Variants in SOS2 observed in about 807,000 individuals in gnomAD.
SOS2 encodes the protein son of sevenless homolog 2.
SOS2 carries 65 observed loss-of-function variants against 148.2 expected under a neutral mutation model. That is an observed-to-expected ratio of 0.44 (90% CI 0.36 to 0.54). The LOEUF (loss-of-function observed/expected upper bound fraction) is 0.54, where lower values mean the gene tolerates loss of function less well. Ranked by LOEUF, SOS2 falls within the 20% of genes least tolerant of loss-of-function variation. SOS2 has a pLI of 0.00. For missense variants in SOS2, 1,341 were observed against 1,590.2 expected (o/e 0.84, Z 2.67); for synonymous variants, 539 against 537.1 (o/e 1.00, Z -0.05).
At chr14:50,172,557 A>T (rs1031135286) in intron 8 of SOS2, among the ~76,000 whole-genome samples, 2 of 151,648 alleles carry the variant, frequency 1.3e-5, no homozygotes. Context: ...GACTAAAAAC[A>T]TGATTTTGCC....
chr14:50,165,386 C>T (rs777006400), intron 8 of SOS2, among the ~76,000 whole-genome samples: 32 of 152,142 alleles, frequency 2.1e-4, no homozygotes, highest in Non-Finnish European at 3.5e-4. Context: ...TCATGACTCC[C>T]GCAAATAAAT....
At chr14:50,171,376 C>A (rs1310559676) in intron 8 of SOS2, among the ~76,000 whole-genome samples, 3 of 151,678 alleles carry the variant, frequency 2.0e-5, no homozygotes, top group African/African-American at 7.3e-5. Context: ...TTTATAGTAA[C>A]CAAAAGGTAG....
intron 5 of SOS2, among the ~76,000 whole-genome samples, chr14:50,183,018 T>C (rs1480826068): frequency 6.6e-6 from 1 of 152,244 alleles, no homozygotes; most frequent in African/African-American, 2.4e-5. Flanking sequence ...ATATATTATA[T>C]AAAGCAATAT....
At chr14:50,140,158 A>T (rs1884221621) in intron 16 of SOS2, 99 bp from the exon 17 acceptor site, 1 of 617,616 alleles carries the variant, frequency 1.6e-6, no homozygotes, top group Admixed American at 3.0e-5. Flanking sequence ...AATTATCTGG[A>T]AAACAATTTT....
At chr14:50,150,541 C>A (rs1190326208) in intron 13 of SOS2, among the ~76,000 whole-genome samples, 1 of 150,448 alleles carries the variant, frequency 6.6e-6, no homozygotes, top group Non-Finnish European at 1.5e-5. Context: ...TCACTGTTCA[C>A]ATTTCTCTCT....
intron 4 of SOS2, among the ~76,000 whole-genome samples, chr14:50,196,566 T>C (rs1886318003): frequency 6.6e-6 from 1 of 152,076 alleles, no homozygotes; most frequent in South Asian, 2.1e-4. Context: ...TTTCCCCCAC[T>C]CCAGCTACCT....
chr14:50,194,267 C>A (rs781095984), intron 4 of SOS2, among the ~76,000 whole-genome samples: 2 of 151,982 alleles, frequency 1.3e-5, no homozygotes, highest in Non-Finnish European at 2.9e-5. Context: ...GACGTATGGC[C>A]CACAAAGCCT....
intron 14 of SOS2, among the ~76,000 whole-genome samples, chr14:50,146,495 A>G (rs1594971114): frequency 6.6e-6 from 1 of 152,030 alleles, no homozygotes; most frequent in Admixed American, 6.6e-5. Flanking sequence ...AATACAAAGA[A>G]ATTAGCCGGG....
At chr14:50,179,859 T>C (rs1387626710) in intron 7 of SOS2, among the ~76,000 whole-genome samples, 1 of 152,166 alleles carries the variant, frequency 6.6e-6, no homozygotes, top group Non-Finnish European at 1.5e-5. Flanking sequence ...ATTTATCTCC[T>C]TTAAATTGTA....
At chr14:50,190,143 G>A (rs1266966202) in intron 4 of SOS2, among the ~76,000 whole-genome samples, 1 of 151,936 alleles carries the variant, frequency 6.6e-6, no homozygotes, top group Non-Finnish European at 1.5e-5. Context: ...GTGAGCCACT[G>A]CGCCTGGCTG....
intron 1 of SOS2, among the ~76,000 whole-genome samples, chr14:50,224,050 C>T (rs190329280): frequency 1.1e-3 from 163 of 151,588 alleles, no homozygotes; most frequent in African/African-American, 3.1e-3. Flanking sequence ...CTTGGGGGGC[C>T]GAGGCGGGCA....
chr14:50,138,620 C>G lies in SOS2; in HGVS notation c.2950G>C (p.Asp984His). Residue 984 changes from aspartate (D) to histidine (H), a missense_variant, in exon 18 of 23, where the codon GAT becomes CAT. Physicochemically the swap from Asp to His is moderately conservative, Grantham distance 81 (BLOSUM62 -1). This residue lies in a region of SOS2 where 408 missense variants were observed against 506.6 expected (regional missense o/e 0.81). Transcript: ENST00000216373. ...GCAAAGAAAATATTTACCCTCATAT[C>G]TGGTTCTATCCGTAAACAGTAAGGC... Reference protein sequence around the residue: ...NQPYCLRIEPDMRRFFENLNP... With the variant: ...NQPYCLRIEPHMRRFFENLNP... 6.6e-7 allele frequency: 1 copy of G among 1,517,640 alleles called. No homozygotes were observed. Among genetic ancestry groups the G allele is most frequent in the Non-Finnish European group, 8.8e-7 (1 of 1,131,120 alleles). The allele number at this position is 1,517,640 out of a possible 1,614,324, so 94.0% of individuals were successfully genotyped here.
chr14:50,119,114 TTAATTA>T (rs1168122288), intron 22 of SOS2, among the ~76,000 whole-genome samples: 4 of 152,194 alleles, frequency 2.6e-5, no homozygotes, highest in African/African-American at 7.2e-5. Context: ...TTTATGTATT[TTAATTA>T]TAATAGTAGG....
chr14:50,154,889 T>C (rs1262159318), intron 12 of SOS2, among the ~76,000 whole-genome samples: 1 of 152,200 alleles, frequency 6.6e-6, no homozygotes, highest in African/African-American at 2.4e-5. Flanking sequence ...ATGTATTTGT[T>C]AAAACTCAAC....
Position 50,129,943 on chromosome 14 carries a change from A to G in SOS2, c.3379+18T>C. On this transcript the variant is annotated intron_variant, in intron 21 of 22. Transcript: ENST00000216373. ...CTTTACAGTCATTTCATTAAGAATC[A>G]ACTTAAATTATACTTACTTGAATGT... 2.7e-6 allele frequency: 4 copies of G among 1,494,022 alleles called. No homozygotes were observed. Among genetic ancestry groups the G allele is most frequent in the Non-Finnish European group, 3.7e-6 (4 of 1,080,136 alleles). 92.5% of individuals were successfully genotyped at this position (1,494,022 alleles called of 1,614,324 possible).
intron 12 of SOS2, among the ~76,000 whole-genome samples, chr14:50,154,363 C>G (rs1021280716): frequency 6.6e-6 from 1 of 152,164 alleles, no homozygotes; most frequent in Admixed American, 6.5e-5. Context: ...TTACTAAACA[C>G]TGGTGAGAAT....
chr14:50,171,245 C>CA, intron 8 of SOS2, among the ~76,000 whole-genome samples: 1 of 152,102 alleles, frequency 6.6e-6, no homozygotes, highest in South Asian at 2.1e-4. Context: ...GGTAGTTACT[C>CA]AAAAAATTAA....
intron 1 of SOS2, among the ~76,000 whole-genome samples, chr14:50,215,742 CAAAAT>C (rs1330854710): frequency 4.6e-5 from 7 of 151,970 alleles, no homozygotes; most frequent in African/African-American, 1.7e-4. Flanking sequence ...AAACAAAAAA[CAAAAT>C]AGTCTCATAC....
intron 8 of SOS2, among the ~76,000 whole-genome samples, chr14:50,164,331 T>C (rs1365557123): frequency 6.6e-6 from 1 of 151,716 alleles, no homozygotes; most frequent in Non-Finnish European, 1.5e-5. Flanking sequence ...TCCCAGCTAT[T>C]TGGGAGGCTG....
Sources: gnomAD v4.1 joint callset for allele counts (sites outside exome capture counted in the v4.1 genomes callset) on GRCh38, gnomAD v4.1.1 for gene constraint, gnomAD v4.1.1 regional missense constraint, MANE v1.5 for transcripts, NCBI Gene and HGNC (gene_info 2026-07-23, HGNC 2026-07-21) for gene names.